The following NCOR2 variants were observed in gnomAD, a reference collection of about 807,000 sequenced individuals.
NCOR2 encodes CTG repeat protein 26.
A neutral mutation model predicts 262.9 loss-of-function variants in NCOR2; 81 were observed. The observed-to-expected ratio is 0.31, with a 90% CI of 0.26 to 0.37. The LOEUF is 0.37. Ranked by LOEUF, NCOR2 falls within the 10% of genes least tolerant of loss-of-function variation. The probability of loss-of-function intolerance (pLI) is 1.00; values close to 1 mark genes in which losing one functional copy is unlikely to be tolerated. For synonymous variants in NCOR2, 1,659 were observed against 1,559.3 expected, an observed-to-expected ratio of 1.06 and a Z score of -1.51; for missense variants, 3,385 against 3,621.4, an observed-to-expected ratio of 0.93 and a Z score of 1.68.
Position 124,462,365 on chromosome 12 carries a change from C to T in NCOR2, c.705+3808G>A, listed in dbSNP as rs142635853. Among the ~76,000 whole-genome samples the T allele has an allele frequency of 9.9e-3, 1,505 of 152,322 alleles. 16 individuals are homozygous for T. The highest frequency in any genetic ancestry group is 0.017 in the Non-Finnish European group (1,130 of 68,024). On this transcript the variant is annotated intron_variant, in intron 5 of 46. Transcript: ENST00000405201. ...ACCCAAGAAGCCCCAAGCCCCCAGT[C>T]CTGCACCCAAGCCCCTCCGCTGGCT...
chr12:124,478,332 C>A (rs965063240), intron 3 of NCOR2, among the ~76,000 whole-genome samples: 2 of 152,188 alleles, frequency 1.3e-5, no homozygotes, highest in Non-Finnish European at 2.9e-5. Flanking sequence ...GGCTGTCTGT[C>A]CCCCTTAGGG....
chr12:124,355,421 C>CT lies in NCOR2; in HGVS notation c.3381+10dup. On this transcript the variant is annotated intron_variant, in intron 24 of 46. Transcript: ENST00000405201. ...GACTAAGCCCCCAAGAAAGGAAGGG[C>CT]TACCACTCACTTGGGAGATGGCACC... 1.2e-6 allele frequency: 2 copies of CT among 1,613,118 alleles called. No homozygotes were observed.
chr12:124,357,792 ATGTGTG>A (rs374836745), intron 22 of NCOR2, among the ~76,000 whole-genome samples: 1 of 151,582 alleles, frequency 6.6e-6, no homozygotes, highest in Non-Finnish European at 1.5e-5. Flanking sequence ...GTAACCTGTG[ATGTGTG>A]TGTGTGTGTG....
At chr12:124,434,034 G>T (rs1043122832) in intron 8 of NCOR2, among the ~76,000 whole-genome samples, 3 of 152,102 alleles carry the variant, frequency 2.0e-5, no homozygotes, top group African/African-American at 7.2e-5. Context: ...GGGACCACAG[G>T]CTGAGCCAGT....
chr12:124,532,736 G>A (rs2050879467), intron 1 of NCOR2, among the ~76,000 whole-genome samples: 1 of 152,206 alleles, frequency 6.6e-6, no homozygotes, highest in African/African-American at 2.4e-5. Context: ...GGACAGAGAG[G>A]CAGAGGAGGA....
intron 20 of NCOR2, among the ~76,000 whole-genome samples, chr12:124,368,216 G>A (rs148099685): frequency 6.6e-6 from 1 of 152,358 alleles, no homozygotes; most frequent in Non-Finnish European, 1.5e-5. Flanking sequence ...GGGGCCGAGT[G>A]GGTCGGGCCA....
exon 47 of NCOR2, chr12:124,325,377 G>GCCCCCGC: frequency 3.2e-5 from 8 of 246,780 alleles, no homozygotes; most frequent in Non-Finnish European, 5.3e-5. Context: ...ACCTGACACC[G>GCCCCCGC]CCCCCCCCCC....
In NCOR2 at chr12:124,369,789, G is replaced by T. The variant is rs3782254; in HGVS notation, c.2807+2233C>A. On this transcript the variant is annotated intron_variant, in intron 20 of 46. Transcript: ENST00000405201. ...GCTGGACACTGGGCAAGGGGTGGACGTACGCCAGGCCCAGCTCGGGGAGGG... is the reference window on the plus strand; with the variant it reads ...GCTGGACACTGGGCAAGGGGTGGACTTACGCCAGGCCCAGCTCGGGGAGGG... 5.1e-3 allele frequency among the ~76,000 whole-genome samples: 773 copies of T among 152,244 alleles called. 34 individuals are homozygous for T. In the East Asian group the frequency reaches 0.11, roughly 21 times the overall value.
chr12:124,375,239 C>G (rs2039894395), intron 18 of NCOR2, among the ~76,000 whole-genome samples: 1 of 152,200 alleles, frequency 6.6e-6, no homozygotes. Context: ...CTTCCACAGT[C>G]AGAGTACAGG....
At chr12:124,495,615 G>C (rs1428025020), upstream of NCOR2, among the ~76,000 whole-genome samples, 1 of 152,106 alleles carries the variant, frequency 6.6e-6, no homozygotes, top group Non-Finnish European at 1.5e-5. This position sits in a 1 kb window ranked among gnomAD's most constrained non-coding sequence, Gnocchi z 4.4. Context: ...TCCCCACCCA[G>C]GCCTTCACCC....
intron 2 of NCOR2, among the ~76,000 whole-genome samples, chr12:124,486,158 A>C (rs1334910189): frequency 6.6e-6 from 1 of 152,150 alleles, no homozygotes; most frequent in Non-Finnish European, 1.5e-5. Flanking sequence ...TTCCCACAGA[A>C]GCCCAGCCCT....
At chr12:124,452,651 C>T (rs963650732) in intron 6 of NCOR2, among the ~76,000 whole-genome samples, 24 of 152,192 alleles carry the variant, frequency 1.6e-4, no homozygotes, top group Admixed American at 1.2e-3. Context: ...CCTGGGAGGG[C>T]GAGGTGGGCA....
At chr12:124,475,299 C>T (rs1567162) in intron 3 of NCOR2, among the ~76,000 whole-genome samples, 21,609 of 152,140 alleles carry the variant, frequency 0.14, 1,612 homozygotes, top group East Asian at 0.21. Context: ...CACCTGGGGC[C>T]GCTCACAGCT....
upstream of NCOR2, among the ~76,000 whole-genome samples, chr12:124,495,599 G>T (rs1022205142): frequency 6.6e-6 from 1 of 152,072 alleles, no homozygotes; most frequent in Non-Finnish European, 1.5e-5. This position sits in a 1 kb window ranked among gnomAD's most constrained non-coding sequence, Gnocchi z 4.4. Flanking sequence ...GGGACCAGAG[G>T]CCTCCTCCCC....
chr12:124,565,900 C>G (rs1050634308), intron 1 of NCOR2, among the ~76,000 whole-genome samples: 2 of 152,194 alleles, frequency 1.3e-5, no homozygotes, highest in Non-Finnish European at 2.9e-5. Flanking sequence ...CTTGCCATTT[C>G]TCGGCCCCTC....
intron 16 of NCOR2, chr12:124,388,663 C>A (rs1398934787): frequency 7.7e-7 from 1 of 1,304,170 alleles, no homozygotes; most frequent in Non-Finnish European, 1.0e-6. Context: ...CCCCCATCCC[C>A]TCCCCAGGAC....
chr12:124,547,436 G>C (rs2051576863), intron 1 of NCOR2, among the ~76,000 whole-genome samples: 1 of 152,140 alleles, frequency 6.6e-6, no homozygotes, highest in Non-Finnish European at 1.5e-5. Flanking sequence ...GCATCCACTG[G>C]GGGTCTTAGA....
chr12:124,406,043 T>C (rs1252143193), intron 13 of NCOR2, among the ~76,000 whole-genome samples: 1 of 152,200 alleles, frequency 6.6e-6, no homozygotes, highest in African/African-American at 2.4e-5. Context: ...GGCGTTCGTA[T>C]GTTAAATTCC....
chr12:124,412,312 G>T (rs1455898945), intron 13 of NCOR2, among the ~76,000 whole-genome samples: 1 of 152,260 alleles, frequency 6.6e-6, no homozygotes, highest in Non-Finnish European at 1.5e-5. Context: ...AGAAGGGCCT[G>T]GTGCAAGCAC....
Sources: allele counts gnomAD v4.1 joint callset (sites outside exome capture counted in the v4.1 genomes callset), GRCh38; gene constraint gnomAD v4.1.1; non-coding constraint Gnocchi (gnomAD v3.1); transcripts MANE v1.5; gene names NCBI Gene and HGNC (gene_info 2026-07-23, HGNC 2026-07-21).